The following C4orf36 variants were observed in gnomAD, a reference collection of about 807,000 sequenced individuals.
The protein encoded by C4orf36 is uncharacterized protein C4orf36.
A neutral mutation model predicts 12.2 loss-of-function variants in C4orf36; 11 were observed. The observed-to-expected ratio is 0.90, with a 90% CI of 0.57 to 1.49. The LOEUF (loss-of-function observed/expected upper bound fraction) is 1.49. C4orf36 is among the 40% of genes most tolerant of loss of function. The pLI is 0.00. For synonymous variants in C4orf36, 54 were observed against 51.3 expected, an observed-to-expected ratio of 1.05 and a Z score of -0.22; for missense variants, 137 against 133.9, an observed-to-expected ratio of 1.02 and a Z score of -0.11.
At chr4:86,896,308 T>A (rs902706974), upstream of C4orf36, among the ~76,000 whole-genome samples, 1 of 152,216 alleles carries the variant, frequency 6.6e-6, no homozygotes, top group Non-Finnish European at 1.5e-5. Context: ...ACTACCCTTT[T>A]CAAATATAAT....
At chr4:86,876,747 C>T in intron 4 of C4orf36, 1 of 1,493,662 alleles carries the variant, frequency 6.7e-7, no homozygotes, top group Non-Finnish European at 8.9e-7. Flanking sequence ...GCTGTTGCAT[C>T]CAAGTAAAAT....
upstream of C4orf36, among the ~76,000 whole-genome samples, chr4:86,894,634 T>C (rs1430007550): frequency 6.6e-6 from 1 of 152,184 alleles, no homozygotes; most frequent in Non-Finnish European, 1.5e-5. Flanking sequence ...TTCCTGACAA[T>C]TGTATTTAGT....
intron 4 of C4orf36, chr4:86,886,648 C>A (rs1747184468): frequency 6.6e-6 from 1 of 152,146 alleles, no homozygotes; most frequent in Admixed American, 6.5e-5. Flanking sequence ...AATAGGAACA[C>A]TTTTACACTG....
the C4orf36 span, among the ~76,000 whole-genome samples, chr4:86,904,882 T>C: frequency 6.6e-6 from 1 of 152,086 alleles, no homozygotes; most frequent in Non-Finnish European, 1.5e-5. Flanking sequence ...AATTCATTCG[T>C]TGAAGCCCTA....
the C4orf36 span, among the ~76,000 whole-genome samples, chr4:86,899,768 T>C: frequency 1.3e-5 from 2 of 152,208 alleles, no homozygotes; most frequent in African/African-American, 2.4e-5. Flanking sequence ...GAGACAGAAG[T>C]TGCTGTGAGC....
the C4orf36 span, among the ~76,000 whole-genome samples, chr4:86,922,179 T>G: frequency 1.3e-5 from 2 of 152,220 alleles, no homozygotes; most frequent in African/African-American, 4.8e-5. Flanking sequence ...ACAGGGTGGT[T>G]AATCTACTAT....
intron 4 of C4orf36, among the ~76,000 whole-genome samples, chr4:86,884,967 C>A (rs1477161815): frequency 1.3e-5 from 2 of 152,186 alleles, no homozygotes; most frequent in Non-Finnish European, 2.9e-5. Flanking sequence ...GGAATCCTTT[C>A]CCCATTGTTC....
the C4orf36 span, among the ~76,000 whole-genome samples, chr4:86,928,622 C>T: frequency 9.6e-4 from 146 of 152,350 alleles, no homozygotes; most frequent in African/African-American, 3.4e-3. Flanking sequence ...TGTGTTGAAG[C>T]AGGCTGAGCT....
intron 4 of C4orf36, among the ~76,000 whole-genome samples, chr4:86,883,292 G>A (rs938358467): frequency 6.6e-6 from 1 of 152,150 alleles, no homozygotes; most frequent in Non-Finnish European, 1.5e-5. Context: ...AAATGATCAG[G>A]ATTTGCCATA....
At chr4:86,934,136 C>T in the C4orf36 span, among the ~76,000 whole-genome samples, 1 of 152,166 alleles carries the variant, frequency 6.6e-6, no homozygotes, top group African/African-American at 2.4e-5. Context: ...AAGTAAGGCG[C>T]TTTTCTTCAT....
the C4orf36 span, among the ~76,000 whole-genome samples, chr4:86,907,915 C>T: frequency 6.6e-6 from 1 of 151,044 alleles, no homozygotes; most frequent in African/African-American, 2.4e-5. Context: ...TTGCAGTGAG[C>T]CGAGATCATG....
the C4orf36 span, chr4:86,914,341 G>C: frequency 6.7e-7 from 1 of 1,492,896 alleles, no homozygotes; most frequent in East Asian, 2.3e-5. Context: ...TGTCCGTTGT[G>C]CTCCTTGAGT....
chr4:86,879,244 G>T (rs929819473), intron 4 of C4orf36, among the ~76,000 whole-genome samples: 22 of 152,172 alleles, frequency 1.4e-4, no homozygotes, highest in Admixed American at 5.2e-4. Flanking sequence ...CCTGACAAAG[G>T]ATTCAAAATA....
chr4:86,887,549 A>T (rs572506242), intron 4 of C4orf36: 1 of 458,630 alleles, frequency 2.2e-6, no homozygotes, highest in Non-Finnish European at 3.8e-6. Flanking sequence ...ATCTACTTAC[A>T]GTGCTGTCGT....
chr4:86,879,217 C>T (rs375830340), intron 4 of C4orf36, among the ~76,000 whole-genome samples: 11 of 152,162 alleles, frequency 7.2e-5, no homozygotes, highest in Admixed American at 1.3e-4. Context: ...CCCAAAGAAA[C>T]GCAGGCCTAT....
At chr4:86,930,096 T>C in the C4orf36 span, among the ~76,000 whole-genome samples, 1 of 152,232 alleles carries the variant, frequency 6.6e-6, no homozygotes, top group Non-Finnish European at 1.5e-5. Context: ...AGGGTGCTCT[T>C]ACCTCCAATC....
intron 2 of C4orf36, among the ~76,000 whole-genome samples, 154 bp downstream of exon 2, chr4:86,891,293 CAAAAAAAAA>C (rs34250498): frequency 3.4e-5 from 4 of 118,946 alleles, no homozygotes; most frequent in East Asian, 2.5e-4. Flanking sequence ...AAGCAGTTGC[CAAAAAAAAA>C]AAAAAAAAAA....
At chr4:86,910,817 G>T in the C4orf36 span, among the ~76,000 whole-genome samples, 1 of 152,154 alleles carries the variant, frequency 6.6e-6, no homozygotes, top group Non-Finnish European at 1.5e-5. Context: ...TGTAATCCCA[G>T]CACTTCGGGA....
At chr4:86,910,213 G>A in the C4orf36 span, among the ~76,000 whole-genome samples, 1 of 152,020 alleles carries the variant, frequency 6.6e-6, no homozygotes, top group African/African-American at 2.4e-5. Flanking sequence ...AGGCCAAGGC[G>A]GGCAGATCAC....
Sources: allele counts gnomAD v4.1 joint callset (sites outside exome capture counted in the v4.1 genomes callset), GRCh38; gene constraint gnomAD v4.1.1; transcripts MANE v1.5; gene names NCBI Gene and HGNC (gene_info 2026-07-23, HGNC 2026-07-21).